Variants in TENM3 observed in about 807,000 individuals in gnomAD.
TENM3 encodes teneurin-3.
TENM3 carries 63 observed loss-of-function variants against 255.1 expected under a neutral mutation model. The observed-to-expected ratio is 0.25, with a 90% CI of 0.20 to 0.30. The LOEUF is 0.30. Among genes scored for constraint, TENM3 ranks in the 10% least tolerant of loss-of-function variants. The pLI is 1.00. For synonymous variants in TENM3, 1,306 were observed against 1,322.3 expected (o/e 0.99, Z 0.27); for missense variants, 2,929 against 3,461.1 (o/e 0.85, Z 3.86).
In TENM3 at chr4:182,793,873, G is replaced by A; in HGVS notation, c.7201G>A (p.Asp2401Asn). ...NPASKIHDVK[D>N]YITDVNSWLV... ...TGCAAGCAAAATCCATGACGTGAAA[G>A]ATTACATCACAGGTAAGCATTTTGA... The change falls in exon 26 of 28, where the codon GAT (aspartate) becomes AAT (asparagine). Residue 2401 changes from aspartate to asparagine, a missense_variant. Coordinates refer to ENST00000511685, the MANE Select transcript of TENM3 (RefSeq NM_001080477.4). The surrounding 1 kb of genome is among the most constrained non-coding windows in gnomAD (Gnocchi z 5.7). The A allele has an allele frequency of 6.2e-7, 1 of 1,607,036 alleles. No individual in the cohort carries two copies.
At chr4:182,152,461 A>AT (rs1004167385) in intron 1 of TENM3, among the ~76,000 whole-genome samples, 2 of 151,968 alleles carry the variant, frequency 1.3e-5, no homozygotes, top group African/African-American at 4.8e-5. Flanking sequence ...GCTTCCTTAT[A>AT]TTTTTTCTTT....
At chr4:181,785,102 G>A in the TENM3 span, among the ~76,000 whole-genome samples, 1 of 152,156 alleles carries the variant, frequency 6.6e-6, no homozygotes, top group Non-Finnish European at 1.5e-5. Flanking sequence ...AAGGCTTAAG[G>A]GGAGAGTGAG....
At chr4:182,666,148 T>G (rs1754661312) in intron 6 of TENM3, among the ~76,000 whole-genome samples, 1 of 152,134 alleles carries the variant, frequency 6.6e-6, no homozygotes, top group Non-Finnish European at 1.5e-5. Context: ...TCATGAAACT[T>G]TAATGGACGA....
At chr4:181,637,002 C>T in the TENM3 span, among the ~76,000 whole-genome samples, 7 of 152,158 alleles carry the variant, frequency 4.6e-5, no homozygotes, top group African/African-American at 1.4e-4. Context: ...TCCACTTACA[C>T]ACACTGCACA....
intron 19 of TENM3, among the ~76,000 whole-genome samples, chr4:182,750,058 G>A (rs1762269237): frequency 6.6e-6 from 1 of 152,176 alleles, no homozygotes; most frequent in Non-Finnish European, 1.5e-5. Context: ...AAAGTAATAA[G>A]CTGCCACATT....
the TENM3 span, among the ~76,000 whole-genome samples, chr4:181,680,657 T>C: frequency 6.6e-6 from 1 of 152,142 alleles, no homozygotes; most frequent in Non-Finnish European, 1.5e-5. Context: ...AAAGGTATCA[T>C]AATAAGTTAT....
chr4:181,685,339 T>C, the TENM3 span, among the ~76,000 whole-genome samples: 1 of 152,202 alleles, frequency 6.6e-6, no homozygotes, highest in Non-Finnish European at 1.5e-5. Flanking sequence ...TATGCACTGC[T>C]GAAAATCATG....
At chr4:181,656,725 G>A in the TENM3 span, among the ~76,000 whole-genome samples, 1 of 151,724 alleles carries the variant, frequency 6.6e-6, no homozygotes, top group Non-Finnish European at 1.5e-5. Context: ...GCTATGAACT[G>A]AATATTGAAG....
At position 182,719,339 on chromosome 4, in the gene TENM3, G is replaced by T. The variant is rs1455904582; in HGVS notation, c.2368+5106G>T. On this transcript the variant is annotated intron_variant, in intron 13 of 27. Coordinates refer to ENST00000511685, the MANE Select transcript of TENM3 (RefSeq NM_001080477.4). The stretch of plus-strand genomic sequence containing the variant: ...TGCAATGGCGTGGTCTCGGCTCACT[G>T]CAACCTCCGCCTGCCGGGTTCAAGG... Among the ~76,000 whole-genome samples the T allele has an allele frequency of 3.3e-5, 4 of 122,970 alleles. No individual in the cohort carries two copies. The Admixed American group carries it at 4.5e-4, about 14-fold the overall frequency. The allele number at this position is 122,970 out of a possible 152,430, so 80.7% of individuals were successfully genotyped here. A position where few individuals can be genotyped will look rare whatever the true frequency, so the allele number is the denominator to read the frequency against.
intron 3 of TENM3, among the ~76,000 whole-genome samples, chr4:182,520,081 A>C (rs1390870467): frequency 1.3e-5 from 2 of 152,168 alleles, no homozygotes; most frequent in East Asian, 3.8e-4. Flanking sequence ...TTAAGCAAAT[A>C]ATTGCTTTAG....
At chr4:182,232,952 A>AT in intron 1 of TENM3, among the ~76,000 whole-genome samples, 3 of 152,208 alleles carry the variant, frequency 2.0e-5, no homozygotes, top group South Asian at 4.1e-4. Context: ...AAACTTACAG[A>AT]TTTTTTATTT....
the TENM3 span, among the ~76,000 whole-genome samples, chr4:181,614,276 G>A: frequency 5.9e-5 from 9 of 151,828 alleles, no homozygotes; most frequent in African/African-American, 1.2e-4. Flanking sequence ...TAAGTTTTGC[G>A]TTTTTCTCCT....
chr4:182,695,003 G>A (rs918093835), intron 12 of TENM3, among the ~76,000 whole-genome samples: 3 of 152,152 alleles, frequency 2.0e-5, no homozygotes, highest in South Asian at 2.1e-4. Context: ...AATATTCTTT[G>A]CAACTTTTGT....
chr4:181,921,911 C>G, the TENM3 span, among the ~76,000 whole-genome samples: 15 of 152,248 alleles, frequency 9.9e-5, no homozygotes, highest in South Asian at 2.1e-4. Flanking sequence ...AACGTCCCAT[C>G]AATACCTAAT....
intron 1 of TENM3, among the ~76,000 whole-genome samples, chr4:182,178,922 T>G (rs935121355): frequency 3.9e-5 from 6 of 152,334 alleles, no homozygotes; most frequent in African/African-American, 1.2e-4. Context: ...GAAGTCAATA[T>G]TGGAATGAAG....
intron 12 of TENM3, among the ~76,000 whole-genome samples, chr4:182,703,359 T>TA: frequency 6.6e-6 from 1 of 152,336 alleles, no homozygotes; most frequent in East Asian, 1.9e-4. Context: ...AATCAGTTTA[T>TA]ACTGTGGAGG....
chr4:182,380,313 C>T (rs1233354635), intron 3 of TENM3, among the ~76,000 whole-genome samples: 3 of 152,018 alleles, frequency 2.0e-5, no homozygotes, highest in African/African-American at 7.2e-5. Context: ...AGAACTAGTG[C>T]AGCCATTCCC....
chr4:181,618,204 G>C, the TENM3 span, among the ~76,000 whole-genome samples: 1 of 152,176 alleles, frequency 6.6e-6, no homozygotes. Context: ...AGGCACTCTA[G>C]GGTGAGTTGG....
At chr4:182,319,221 C>T (rs1762908333) in intron 1 of TENM3, among the ~76,000 whole-genome samples, 1 of 152,248 alleles carries the variant, frequency 6.6e-6, no homozygotes, top group African/African-American at 2.4e-5. Context: ...TGACCCTCTT[C>T]CTTGTGTAGG....
Sources: allele counts gnomAD v4.1 joint callset (sites outside exome capture counted in the v4.1 genomes callset), GRCh38; gene constraint gnomAD v4.1.1; non-coding constraint Gnocchi (gnomAD v3.1); transcripts MANE v1.5; gene names NCBI Gene and HGNC (gene_info 2026-07-23, HGNC 2026-07-21).